The following GTF2H1 variants were observed in gnomAD, a reference collection of about 807,000 sequenced individuals.
GTF2H1 encodes BTF2 p62.
In GTF2H1, 16 loss-of-function variants were observed where a neutral mutation model predicts 71.2. The ratio of observed to expected loss-of-function variants is 0.22; its 90% CI spans 0.15 to 0.34. The LOEUF (loss-of-function observed/expected upper bound fraction) is 0.34. Among genes scored for constraint, GTF2H1 ranks in the 10% least tolerant of loss-of-function variants. The probability of loss-of-function intolerance (pLI) is 1.00; values close to 1 mark genes in which losing one functional copy is unlikely to be tolerated. For synonymous variants in GTF2H1, 215 were observed against 219.0 expected (o/e 0.98, Z 0.16); for missense variants, 498 against 648.2 (o/e 0.77, Z 2.52).
At position 18,341,602 on chromosome 11, in the gene GTF2H1, G is replaced by A; in HGVS notation, c.832G>A (p.Asp278Asn). The A allele has an allele frequency of 6.3e-7, 1 of 1,586,230 alleles. No homozygotes were observed. The highest frequency in any genetic ancestry group is 8.6e-7 in the Non-Finnish European group (1 of 1,157,156). ...DLTALEDKPL[D>N]EGYGISSVPS... ...AACAGCTTTGGAAGATAAACCATTA[G>A]ATGAGGTAAGAAGCAATAAAAGAAG... is the stretch of plus-strand genomic sequence containing the variant. Residue 278 changes from aspartate (D) to asparagine (N), a missense_variant, in exon 7 of 15, where the codon GAT becomes AAT. This residue lies in a region of GTF2H1 where 16 missense variants were observed against 40.5 expected (regional missense o/e 0.40). Transcript: ENST00000265963.
chr11:18,341,666 G>A, intron 7 of GTF2H1, 59 bp downstream of exon 7: 2 of 1,064,254 alleles, frequency 1.9e-6, no homozygotes, highest in Non-Finnish European at 2.8e-6. Context: ...CTTCAACATT[G>A]TCTTAAGCGT....
chr11:18,342,822 C>T (rs958546787), intron 7 of GTF2H1, among the ~76,000 whole-genome samples: 1 of 152,028 alleles, frequency 6.6e-6, no homozygotes, highest in African/African-American at 2.4e-5. Flanking sequence ...CTGTATAAAC[C>T]ATCCCATAGT....
In GTF2H1 at chr11:18,365,913, T is replaced by C. The variant is rs753574302; in HGVS notation, c.*44T>C. On this transcript the variant is annotated 3_prime_UTR_variant, in exon 15 of 15. Transcript: ENST00000265963. ...AGGTTTTGTGAGATTGAGAGAACTA[T>C]GACCTGCAGCAACTCTGGAAACCTG... 3 of 1,361,488 alleles carry C rather than the reference T, an allele frequency of 2.2e-6. No homozygotes were observed. Among genetic ancestry groups the C allele is most frequent in the Non-Finnish European group, 3.1e-6 (3 of 954,420 alleles). 84.3% of individuals were successfully genotyped at this position (1,361,488 alleles called of 1,614,324 possible). A position where few individuals can be genotyped will look rare whatever the true frequency, so the allele number is the denominator to read the frequency against.
chr11:18,332,709 CTG>C (rs1864928655), intron 1 of GTF2H1: 2 of 156,814 alleles, frequency 1.3e-5, no homozygotes, highest in Middle Eastern at 3.3e-3. Context: ...ATAAATATGA[CTG>C]TAATTCTACA....
chr11:18,358,089 A>G (rs1056060012), intron 12 of GTF2H1, 47 bp downstream of exon 12: 2 of 1,299,198 alleles, frequency 1.5e-6, no homozygotes, highest in African/African-American at 2.9e-5. Context: ...AATCAGCTTT[A>G]AAAAGCAAGC....
At chr11:18,349,241 TAATA>T (rs1259038416) in intron 9 of GTF2H1, among the ~76,000 whole-genome samples, 2 of 152,236 alleles carry the variant, frequency 1.3e-5, no homozygotes, top group African/African-American at 4.8e-5. Context: ...CCTATAAAAT[TAATA>T]AAGCCAGTGA....
chr11:18,333,486 A>G (rs935430802), intron 2 of GTF2H1: 6 of 262,388 alleles, frequency 2.3e-5, no homozygotes, highest in Non-Finnish European at 4.3e-5. Context: ...ATAATACTCC[A>G]CTAAATGAAT....
At chr11:18,330,453 G>A (rs1864868238) in intron 1 of GTF2H1, among the ~76,000 whole-genome samples, 1 of 152,208 alleles carries the variant, frequency 6.6e-6, no homozygotes, top group African/African-American at 2.4e-5. Flanking sequence ...GGATTTTATA[G>A]GATTGTACTT....
chr11:18,344,542 C>T (rs953654081), intron 7 of GTF2H1, among the ~76,000 whole-genome samples: 21 of 147,196 alleles, frequency 1.4e-4, no homozygotes, highest in Admixed American at 3.5e-4. Context: ...TCGCTGGAAC[C>T]GGGGAGGCAG....
chr11:18,350,587 C>G (rs1005546899), intron 9 of GTF2H1, among the ~76,000 whole-genome samples: 1 of 146,118 alleles, frequency 6.8e-6, no homozygotes, highest in Non-Finnish European at 1.5e-5. Context: ...TTTGTGACTT[C>G]ATGTGAGGTC....
chr11:18,328,782 C>T (rs1453874787), intron 1 of GTF2H1, among the ~76,000 whole-genome samples: 4 of 151,242 alleles, frequency 2.6e-5, no homozygotes, highest in African/African-American at 9.7e-5. Context: ...GCCGAGATCG[C>T]GCCACCGCAC....
chr11:18,347,527 T>G (rs1489249377), intron 7 of GTF2H1, 61 bp from the exon 8 acceptor site: 1 of 1,267,282 alleles, frequency 7.9e-7, no homozygotes, highest in African/African-American at 1.5e-5. Flanking sequence ...CAGCTAAGCG[T>G]GTCTTATAAT....
chr11:18,324,696 TC>T (rs1268061620), intron 1 of GTF2H1, among the ~76,000 whole-genome samples: 17 of 152,352 alleles, frequency 1.1e-4, no homozygotes, highest in African/African-American at 3.8e-4. Context: ...TTTCCTGCCT[TC>T]AGTGTGGCAG....
chr11:18,339,500 A>G, intron 4 of GTF2H1, 64 bp from the exon 5 acceptor site: 1 of 1,119,766 alleles, frequency 8.9e-7, no homozygotes, highest in South Asian at 1.3e-5. Flanking sequence ...TCCAGTGTCC[A>G]CTGGGACCTG....
intron 7 of GTF2H1, among the ~76,000 whole-genome samples, chr11:18,344,926 C>G (rs1865251130): frequency 6.6e-6 from 1 of 152,072 alleles, no homozygotes; most frequent in African/African-American, 2.4e-5. Context: ...TCATTTCTCG[C>G]CAGGTGGGGT....
intron 2 of GTF2H1, among the ~76,000 whole-genome samples, chr11:18,334,296 C>G (rs1263459656): frequency 6.6e-6 from 1 of 152,110 alleles, no homozygotes; most frequent in African/African-American, 2.4e-5. Flanking sequence ...AGGAGAATGG[C>G]GTGAACTCAA....
rs529468415 is a variant in GTF2H1 at position 18,355,663 on chromosome 11, G to C, written c.1261-2289G>C. On this transcript the variant is annotated intron_variant, in intron 11 of 14. Transcript: ENST00000265963. The stretch of plus-strand genomic sequence containing the variant: ...TAAGTAGCTGGGACTCCAGGCATGT[G>C]TCACCATCCCTGGCTAATTTTTATA... Among the ~76,000 whole-genome samples the C allele has an allele frequency of 9.9e-5, 15 of 151,844 alleles. No homozygotes were observed. In the South Asian group the frequency reaches 3.1e-3, roughly 32 times the overall value.
rs934923323 is a variant in GTF2H1 at position 18,322,694 on chromosome 11, T to A, written c.-62T>A. On this transcript the variant is annotated 5_prime_UTR_variant, in exon 1 of 15. Coordinates refer to ENST00000265963, the MANE Select transcript of GTF2H1 (RefSeq NM_005316.4). ...AGAAGCGCAGCGGAACTCGACCGGA[T>A]CCAACCCAGTTAGTTACTTCCTGTC... 1 of 143,348 alleles carries A rather than the reference T, an allele frequency of 7.0e-6. No individual in the cohort carries two copies. The highest frequency in any genetic ancestry group is 2.6e-5 in the African/African-American group (1 of 38,426). The allele number at this position is 143,348 out of a possible 1,614,324, so 8.9% of individuals were successfully genotyped here.
chr11:18,339,471 A>T, intron 4 of GTF2H1, 93 bp from the exon 5 acceptor site: 2 of 780,200 alleles, frequency 2.6e-6, no homozygotes, highest in Non-Finnish European at 4.3e-6. Context: ...TAGTTCAGAA[A>T]TTTTTTTTTC....
Sources: allele counts gnomAD v4.1 joint callset (sites outside exome capture counted in the v4.1 genomes callset), GRCh38; gene constraint gnomAD v4.1.1; regional missense constraint gnomAD v4.1.1; transcripts MANE v1.5; gene names NCBI Gene and HGNC (gene_info 2026-07-23, HGNC 2026-07-21).